The following SYNE2 variants were observed in gnomAD, a reference collection of about 807,000 sequenced individuals.
SYNE2 encodes nesprin-2.
SYNE2 carries 431 observed loss-of-function variants against 856.3 expected under a neutral mutation model. That is an observed-to-expected ratio of 0.50 (90% CI 0.47 to 0.55). The LOEUF (loss-of-function observed/expected upper bound fraction) is 0.55, where lower values mean the gene tolerates loss of function less well. Ranked by LOEUF, SYNE2 falls within the 20% of genes least tolerant of loss-of-function variation. The probability of loss-of-function intolerance (pLI) is 0.00; values close to 1 mark genes in which losing one functional copy is unlikely to be tolerated. For missense variants in SYNE2, 8,129 were observed against 8,023.2 expected (o/e 1.01, Z -0.50); for synonymous variants, 2,923 against 2,872.3 (o/e 1.02, Z -0.56).
intron 1 of SYNE2, among the ~76,000 whole-genome samples, chr14:63,883,347 C>T (rs1419207352): frequency 1.3e-5 from 2 of 152,126 alleles, no homozygotes; most frequent in Admixed American, 1.3e-4. Context: ...GCGTGACCCA[C>T]GATGCTCGGC....
In SYNE2 at chr14:63,982,671, T is replaced by A; in HGVS notation, c.1878T>A (p.Ala626=). 1 of 1,614,180 alleles carries A rather than the reference T, an allele frequency of 6.2e-7. No individual in the cohort carries two copies. Among genetic ancestry groups the A allele is most frequent in the Non-Finnish European group, 8.5e-7 (1 of 1,180,008 alleles). Residue 626 remains alanine, a synonymous_variant, in exon 17 of 116, where the codon GCT becomes GCA. Coordinates refer to ENST00000555002, the MANE Select transcript of SYNE2 (RefSeq NM_182914.3). ...TAGCCCAGTGGAATCTAGAACACGC[T>A]ACTTTAAATGAAGCAGGAAATTTCT... ...ETLAQWNLEH[A]TLNEAGNFLV... is the part of the protein sequence containing the mutation.
intron 23 of SYNE2, among the ~76,000 whole-genome samples, chr14:63,996,541 G>A (rs114022847): frequency 5.5e-4 from 84 of 152,010 alleles, no homozygotes; most frequent in African/African-American, 1.8e-3. Flanking sequence ...GAGACACCTG[G>A]TGCTTTTCAT....
chr14:64,098,413 CT>C (rs2097694674), intron 62 of SYNE2: 4 of 594,362 alleles, frequency 6.7e-6, no homozygotes, highest in East Asian at 5.8e-5. Flanking sequence ...TCAAGCCTCC[CT>C]TTGAAGTATC....
chr14:64,056,251 A>C lies in SYNE2; in HGVS notation c.10052A>C (p.Glu3351Ala). The C allele has an allele frequency of 6.2e-7, 1 of 1,614,086 alleles. No individual in the cohort carries two copies. Among genetic ancestry groups the C allele is most frequent in the Non-Finnish European group, 8.5e-7 (1 of 1,179,952 alleles). Reference sequence around the variant, plus strand: ...ATGAAGGAAGCTTTCAAAGCACAGGAAACTGAGGCAGAAAGGTAGGTCCTC... The same window carrying C: ...ATGAAGGAAGCTTTCAAAGCACAGGCAACTGAGGCAGAAAGGTAGGTCCTC... The part of the protein sequence containing the change: ...SAMKEAFKAQ[E>A]TEAERYLENY... The change falls in exon 49 of 116, where the codon GAA (glutamate) becomes GCA (alanine). Residue 3351 changes from glutamate to alanine, a missense_variant. By Grantham distance (107) the Glu-to-Ala change is moderately radical (BLOSUM62 -1). Transcript: ENST00000555002.
chr14:63,815,167 TCCAC>T lies in SYNE2; in HGVS notation c.-304-37333_-304-37330del, dbSNP rs1376920917. Among the ~76,000 whole-genome samples the T allele has an allele frequency of 8.5e-4, 88 of 103,666 alleles. 4 individuals carry two copies. The highest frequency in any genetic ancestry group is 3.4e-3 in the African/African-American group (79 of 23,558). 68.0% of individuals were successfully genotyped at this position (103,666 alleles called of 152,430 possible). ...ATATACACATATATATCCATATATA[TCCAC>T]ATATATATCCATATATATATCCATA... is the stretch of plus-strand genomic sequence containing the variant. On this transcript the variant is annotated intron_variant, in intron 1 of 23. Transcript: ENST00000674003.
chr14:64,215,874 C>T, intron 107 of SYNE2: 1 of 1,151,384 alleles, frequency 8.7e-7, no homozygotes, highest in Non-Finnish European at 1.1e-6. Context: ...CCCTGAGGAG[C>T]CTTTTGGTTC....
At chr14:64,097,831 C>G in intron 61 of SYNE2, 118 bp from the exon 62 acceptor site, 1 of 1,009,814 alleles carries the variant, frequency 9.9e-7, no homozygotes, top group East Asian at 2.4e-5. Context: ...TAGCTTCTGG[C>G]TTTGTAAACC....
chr14:64,027,861 G>A, intron 43 of SYNE2, 68 bp downstream of exon 43: 2 of 1,187,622 alleles, frequency 1.7e-6, no homozygotes, highest in South Asian at 1.3e-5. Flanking sequence ...GACATATGTG[G>A]AACTATCTGT....
intron 59 of SYNE2, 120 bp from the exon 60 acceptor site, chr14:64,090,746 A>C: frequency 5.5e-6 from 5 of 911,430 alleles, no homozygotes; most frequent in Non-Finnish European, 8.2e-6. Context: ...ATCTGAGCTA[A>C]GAAATTATTT....
intron 61 of SYNE2, among the ~76,000 whole-genome samples, chr14:64,095,360 C>T (rs752243528): frequency 6.6e-6 from 1 of 152,136 alleles, no homozygotes; most frequent in Non-Finnish European, 1.5e-5. Context: ...GAACTTTATA[C>T]GTTTTTACAT....
At chr14:64,128,364 T>G in intron 73 of SYNE2, 88 bp from the exon 74 acceptor site, 1 of 732,456 alleles carries the variant, frequency 1.4e-6, no homozygotes, top group Non-Finnish European at 2.4e-6. Flanking sequence ...ATTTCTAGTG[T>G]CACAAAAATT....
At chr14:64,145,744 T>A (rs2098179204) in intron 83 of SYNE2, among the ~76,000 whole-genome samples, 1 of 152,190 alleles carries the variant, frequency 6.6e-6, no homozygotes, top group Non-Finnish European at 1.5e-5. Context: ...ATTTTTCTTA[T>A]ACTTTACATA....
intron 73 of SYNE2, among the ~76,000 whole-genome samples, chr14:64,128,161 T>A (rs767652038): frequency 6.6e-6 from 1 of 152,180 alleles, no homozygotes; most frequent in African/African-American, 2.4e-5. Flanking sequence ...TTTAGAAATA[T>A]ATACTGAAAC....
intron 1 of SYNE2, among the ~76,000 whole-genome samples, chr14:63,825,777 A>C (rs1034562374): frequency 2.6e-5 from 4 of 152,154 alleles, no homozygotes; most frequent in African/African-American, 9.7e-5. Context: ...CGGGAGCCTG[A>C]GGCAGGGAGA....
intron 16 of SYNE2, among the ~76,000 whole-genome samples, chr14:63,981,568 G>T (rs2096585942): frequency 6.6e-6 from 1 of 152,054 alleles, no homozygotes. Context: ...TTTTCCATTT[G>T]GTTGAAACCT....
intron 66 of SYNE2, among the ~76,000 whole-genome samples, chr14:64,115,214 T>A (rs140797644): frequency 7.0e-4 from 106 of 152,304 alleles, no homozygotes; most frequent in Non-Finnish European, 1.2e-3. Flanking sequence ...ATTTCCAGGC[T>A]GCTCAAGGAA....
intron 71 of SYNE2, 132 bp downstream of exon 71, chr14:64,125,342 G>A (rs984771993): frequency 1.5e-6 from 2 of 1,328,000 alleles, no homozygotes; most frequent in African/African-American, 1.5e-5. Context: ...TCCTAGGATT[G>A]CAAATTGAAT....
chr14:63,827,625 CAAAAAAAAAAAAAAAA>C (rs11334415), intron 1 of SYNE2, among the ~76,000 whole-genome samples: 84 of 28,412 alleles, frequency 3.0e-3, no homozygotes, highest in Non-Finnish European at 4.5e-3. Flanking sequence ...AACTCTGTCT[CAAAAAAAAAAAAAAAA>C]AAAAAAAAAA....
intron 1 of SYNE2, among the ~76,000 whole-genome samples, chr14:63,787,743 C>T (rs1887591536): frequency 6.6e-6 from 1 of 152,184 alleles, no homozygotes; most frequent in Non-Finnish European, 1.5e-5. Context: ...GGACAAAGTG[C>T]TCTGGGTCCA....
Sources: gnomAD v4.1 joint callset for allele counts (sites outside exome capture counted in the v4.1 genomes callset) on GRCh38, gnomAD v4.1.1 for gene constraint, MANE v1.5 for transcripts, NCBI Gene and HGNC (gene_info 2026-07-23, HGNC 2026-07-21) for gene names.